Variants in RASGRF1 observed in about 807,000 individuals in gnomAD.
RASGRF1 encodes the protein Ras protein specific guanine nucleotide releasing factor 1.
RASGRF1 carries 40 observed loss-of-function variants against 138.7 expected under a neutral mutation model. The ratio of observed to expected loss-of-function variants is 0.29; its 90% CI spans 0.22 to 0.38. The LOEUF (loss-of-function observed/expected upper bound fraction) is 0.38. RASGRF1 is among the 10% of genes least tolerant of loss of function. The probability of loss-of-function intolerance (pLI) is 1.00; values close to 1 mark genes in which losing one functional copy is unlikely to be tolerated. For synonymous variants in RASGRF1, 614 were observed against 663.2 expected (o/e 0.93, Z 1.14); for missense variants, 1,108 against 1,650.4 (o/e 0.67, Z 5.69).
chr15:79,047,822 G>A (rs759259852), intron 4 of RASGRF1, among the ~76,000 whole-genome samples: 23 of 152,298 alleles, frequency 1.5e-4, no homozygotes, highest in Non-Finnish European at 2.6e-4. Flanking sequence ...CACACTGGGA[G>A]GAAGGGTACT....
At position 79,077,971 on chromosome 15, in the gene RASGRF1, C is replaced by G. The variant is rs187767475; in HGVS notation, c.276+12252G>C. On this transcript the variant is annotated intron_variant, in intron 1 of 26. Coordinates refer to ENST00000558480, the MANE Select transcript of RASGRF1 (RefSeq NM_001145648.3). ...GGCTGATCCCACCCCTTACCAGGTCCCACTCTGCTGCTCTGGTTAGGGCCA... is the reference window on the plus strand; with the variant it reads ...GGCTGATCCCACCCCTTACCAGGTCGCACTCTGCTGCTCTGGTTAGGGCCA... 4.0e-3 allele frequency among the ~76,000 whole-genome samples: 602 copies of G among 152,220 alleles called. 3 individuals are homozygous for G. Among genetic ancestry groups the G allele is most frequent in the African/African-American group, 0.014 (577 of 41,516 alleles).
At position 79,032,062 on chromosome 15, in the gene RASGRF1, T is replaced by C; in HGVS notation, c.1152+61A>G. 1 of 1,541,318 alleles carries C rather than the reference T, an allele frequency of 6.5e-7. No individual in the cohort carries two copies. Among genetic ancestry groups the C allele is most frequent in the South Asian group, 1.2e-5 (1 of 81,878 alleles). On this transcript the variant is annotated intron_variant, in intron 7 of 26. Transcript: ENST00000558480. The surrounding 1 kb of genome is among the most constrained non-coding windows in gnomAD (Gnocchi z 4.5). ...GTTAAGCACTGTGCCCCCACCGCCA[T>C]GGTCCATCCCCCACACCTGCCTCCC... is the stretch of plus-strand genomic sequence containing the variant.
At chr15:78,998,397 A>G in intron 18 of RASGRF1, 189 bp from the exon 19 acceptor site, 1 of 632,476 alleles carries the variant, frequency 1.6e-6, no homozygotes, top group Non-Finnish European at 2.8e-6. Flanking sequence ...ATCTTAGATA[A>G]AGGCACTGGA....
chr15:79,061,072 G>T (rs2141056429), intron 2 of RASGRF1, among the ~76,000 whole-genome samples: 1 of 152,234 alleles, frequency 6.6e-6, no homozygotes, highest in African/African-American at 2.4e-5. Context: ...GATGGAGGAG[G>T]CCATGTGGCA....
intron 1 of RASGRF1, among the ~76,000 whole-genome samples, chr15:79,080,560 AT>A (rs1427624814): frequency 6.6e-6 from 1 of 152,224 alleles, no homozygotes; most frequent in Non-Finnish European, 1.5e-5. Context: ...GTTTCTCTAA[AT>A]TTCTACATGG....
chr15:78,994,926 C>CT (rs72369256), intron 20 of RASGRF1, among the ~76,000 whole-genome samples: 1 of 136,058 alleles, frequency 7.3e-6, no homozygotes, highest in African/African-American at 2.7e-5. Flanking sequence ...CTTCCAGCAC[C>CT]TTTTTTTTTT....
intron 25 of RASGRF1, among the ~76,000 whole-genome samples, chr15:78,972,313 C>T (rs1567424690): frequency 6.6e-6 from 1 of 151,760 alleles, no homozygotes; most frequent in Non-Finnish European, 1.5e-5. Context: ...CCAGGCTGGT[C>T]TTGAACTTCT....
chr15:79,041,538 G>T (rs528297477), intron 5 of RASGRF1, among the ~76,000 whole-genome samples: 32 of 152,346 alleles, frequency 2.1e-4, no homozygotes, highest in East Asian at 9.6e-4. Context: ...GGATGTGGGG[G>T]TGGTCAGGGA....
At chr15:79,041,929 T>C (rs2057302399) in intron 5 of RASGRF1, among the ~76,000 whole-genome samples, 1 of 152,182 alleles carries the variant, frequency 6.6e-6, no homozygotes, top group Non-Finnish European at 1.5e-5. Flanking sequence ...AGGCAGCCAC[T>C]GCCAATCAGT....
intron 1 of RASGRF1, among the ~76,000 whole-genome samples, chr15:79,089,079 C>T (rs1174350566): frequency 6.6e-6 from 1 of 152,242 alleles, no homozygotes; most frequent in Non-Finnish European, 1.5e-5. Flanking sequence ...CACCACCAGT[C>T]TGTGTCTTCA....
intron 1 of RASGRF1, among the ~76,000 whole-genome samples, chr15:79,086,686 C>A (rs544372296): frequency 6.6e-6 from 1 of 152,074 alleles, no homozygotes; most frequent in African/African-American, 2.4e-5. Flanking sequence ...GAGCCTGGTG[C>A]CCACATTTTG....
intron 3 of RASGRF1, among the ~76,000 whole-genome samples, chr15:79,052,332 T>G (rs1480497682): frequency 6.6e-6 from 1 of 152,222 alleles, no homozygotes; most frequent in Non-Finnish European, 1.5e-5. Flanking sequence ...TTTTTCTCTT[T>G]GTTAGCAGCC....
At chr15:79,075,885 A>C (rs2057826436) in intron 1 of RASGRF1, among the ~76,000 whole-genome samples, 1 of 152,010 alleles carries the variant, frequency 6.6e-6, no homozygotes, top group African/African-American at 2.4e-5. Flanking sequence ...GCCCAACAAC[A>C]CTTGCCTTGG....
rs575098407 is a variant in RASGRF1, at chr15:78,997,961, G to A, written c.2966+135C>T. ...CCCCCAAGAGCTCACCTCTACCCCA[G>A]CACTCCTACTTGGGGCTGTCCTTGA... On this transcript the variant is annotated intron_variant, in intron 19 of 26. Coordinates refer to ENST00000558480, the MANE Select transcript of RASGRF1 (RefSeq NM_001145648.3). The A allele has an allele frequency of 4.3e-6, 3 of 703,990 alleles. No individual in the cohort carries two copies. In the South Asian group the frequency reaches 5.0e-5, roughly 12 times the overall value. The allele number at this position is 703,990 out of a possible 1,614,324, so 43.6% of individuals were successfully genotyped here. A position where few individuals can be genotyped will look rare whatever the true frequency, so the allele number is the denominator to read the frequency against.
chr15:79,036,181 A>C (rs941912261), intron 5 of RASGRF1, among the ~76,000 whole-genome samples: 3 of 150,732 alleles, frequency 2.0e-5, no homozygotes, highest in Non-Finnish European at 4.5e-5. Context: ...TTCCTGCCCA[A>C]CCATTTTCCC....
intron 8 of RASGRF1, among the ~76,000 whole-genome samples, chr15:79,029,727 G>C (rs1037486770): frequency 6.6e-6 from 1 of 152,064 alleles, no homozygotes; most frequent in Non-Finnish European, 1.5e-5. Flanking sequence ...AGCGTGAAAG[G>C]AGAATTAAAG....
chr15:78,986,904 T>C (rs2056170522), intron 22 of RASGRF1, among the ~76,000 whole-genome samples: 1 of 152,170 alleles, frequency 6.6e-6, no homozygotes, highest in Non-Finnish European at 1.5e-5. Context: ...CTTAATTAAA[T>C]TGAAGTAGTA....
chr15:79,027,180 G>T lies in RASGRF1; in HGVS notation c.1381+561C>A, dbSNP rs2057070103. ...TGATGTCAGTCCCCTGAGCCACAGA[G>T]AGCCTTCACCCACCCCTCTCAACGG... is the stretch of plus-strand genomic sequence containing the variant. On this transcript the variant is annotated intron_variant, in intron 9 of 26. Transcript: ENST00000558480. The surrounding 1 kb of genome is among the most constrained non-coding windows in gnomAD (Gnocchi z 4.8). Among the ~76,000 whole-genome samples the T allele has an allele frequency of 6.6e-6, 1 of 152,180 alleles. No individual in the cohort carries two copies. Among genetic ancestry groups the T allele is most frequent in the African/African-American group, 2.4e-5 (1 of 41,436 alleles).
intron 11 of RASGRF1, 86 bp from the exon 12 acceptor site, chr15:79,017,992 A>G (rs1336511770): frequency 3.9e-6 from 6 of 1,523,194 alleles, no homozygotes; most frequent in African/African-American, 2.8e-5. Context: ...TGTCGTACGT[A>G]CCAGTGGAGG....
Sources: gnomAD v4.1 joint callset for allele counts (sites outside exome capture counted in the v4.1 genomes callset) on GRCh38, gnomAD v4.1.1 for gene constraint, Gnocchi (gnomAD v3.1) non-coding constraint, MANE v1.5 for transcripts, NCBI Gene and HGNC (gene_info 2026-07-23, HGNC 2026-07-21) for gene names.